The following CSMD3 variants were observed in gnomAD, a reference collection of about 807,000 sequenced individuals.
CSMD3 encodes CUB and sushi domain-containing protein 3.
A neutral mutation model predicts 435.2 loss-of-function variants in CSMD3; 177 were observed. The observed-to-expected ratio is 0.41, with a 90% CI of 0.36 to 0.46. CSMD3 has a LOEUF of 0.46. CSMD3 is among the 20% of genes least tolerant of loss of function. The probability of loss-of-function intolerance (pLI) is 0.34; values close to 1 mark genes in which losing one functional copy is unlikely to be tolerated. For missense variants in CSMD3, 4,265 were observed against 4,504.6 expected (o/e 0.95, Z 1.52); for synonymous variants, 1,656 against 1,520.5 (o/e 1.09, Z -2.07).
intron 4 of CSMD3, among the ~76,000 whole-genome samples, chr8:113,141,461 T>C (rs1787383010): frequency 6.6e-6 from 1 of 150,992 alleles, no homozygotes; most frequent in African/African-American, 2.4e-5. Flanking sequence ...ATAAACTCAG[T>C]AACATATTTT....
chr8:113,166,366 G>A (rs1266606070), intron 4 of CSMD3, among the ~76,000 whole-genome samples: 1 of 152,040 alleles, frequency 6.6e-6, no homozygotes, highest in Non-Finnish European at 1.5e-5. Flanking sequence ...TTAGCTTGAT[G>A]TGGTGGTGCA....
intron 5 of CSMD3, among the ~76,000 whole-genome samples, chr8:113,055,352 T>A (rs2088278029): frequency 6.6e-6 from 1 of 152,222 alleles, no homozygotes; most frequent in Non-Finnish European, 1.5e-5. Context: ...CATTCTGCAC[T>A]GTTTGGATTT....
At position 112,841,390 on chromosome 8, in the gene CSMD3, T is replaced by G. The variant is rs185890625; in HGVS notation, c.1756-11601A>C. 1.5e-3 allele frequency among the ~76,000 whole-genome samples: 232 copies of G among 151,926 alleles called. 2 individuals are homozygous for G. The highest frequency in any genetic ancestry group is 5.3e-3 in the African/African-American group (222 of 41,514). On this transcript the variant is annotated intron_variant, in intron 11 of 70. Transcript: ENST00000297405. ...TCTTCTCTCTGCATTTCCAGTTCCTTGTCATTCCATAATATTGGCTGAAAA... is the reference window on the plus strand; with the variant it reads ...TCTTCTCTCTGCATTTCCAGTTCCTGGTCATTCCATAATATTGGCTGAAAA...
intron 1 of CSMD3, among the ~76,000 whole-genome samples, chr8:113,341,355 T>C (rs1019229775): frequency 5.3e-5 from 8 of 152,122 alleles, no homozygotes; most frequent in African/African-American, 1.9e-4. Flanking sequence ...AAGTTTTTAA[T>C]TCTGAAAACC....
chr8:112,930,688 T>C (rs1169125805), intron 9 of CSMD3, among the ~76,000 whole-genome samples: 1 of 152,114 alleles, frequency 6.6e-6, no homozygotes, highest in Non-Finnish European at 1.5e-5. Flanking sequence ...GATCTACTCT[T>C]GACGTTTTTA....
intron 6 of CSMD3, among the ~76,000 whole-genome samples, chr8:112,988,604 C>G (rs936734437): frequency 6.6e-6 from 1 of 152,020 alleles, no homozygotes; most frequent in African/African-American, 2.4e-5. Context: ...TTTTTGCCAC[C>G]TTTGGGCATG....
At chr8:112,492,757 T>A in intron 30 of CSMD3, 74 bp from the exon 31 acceptor site, 1 of 1,191,122 alleles carries the variant, frequency 8.4e-7, no homozygotes, top group South Asian at 1.2e-5. Flanking sequence ...GGGTTCTGCA[T>A]CTGTGGATTC....
chr8:112,918,640 T>C (rs2130601155), intron 10 of CSMD3, among the ~76,000 whole-genome samples: 1 of 152,056 alleles, frequency 6.6e-6, no homozygotes, highest in East Asian at 1.9e-4. Context: ...AAGGGAATAA[T>C]TGTTTTCACC....
intron 1 of CSMD3, among the ~76,000 whole-genome samples, chr8:113,376,420 T>G (rs1290051410): frequency 6.6e-6 from 1 of 152,078 alleles, no homozygotes; most frequent in Non-Finnish European, 1.5e-5. Flanking sequence ...CAAATAATAA[T>G]AACAAAAAAT....
At chr8:112,626,651 T>C (rs7822475) in intron 22 of CSMD3, among the ~76,000 whole-genome samples, 74,514 of 151,878 alleles carry the variant, frequency 0.49, 18,905 homozygotes, top group African/African-American at 0.59. Flanking sequence ...TCTATTCCAA[T>C]TTCAATTAAA....
chr8:113,014,705 G>A (rs924342803), intron 6 of CSMD3, among the ~76,000 whole-genome samples: 3 of 152,092 alleles, frequency 2.0e-5, no homozygotes, highest in East Asian at 3.9e-4. Flanking sequence ...GTCAGGGAAT[G>A]TTTCAGAGAC....
intron 4 of CSMD3, among the ~76,000 whole-genome samples, chr8:113,133,925 G>A (rs547228642): frequency 2.0e-5 from 3 of 152,098 alleles, no homozygotes; most frequent in South Asian, 4.1e-4. Context: ...TGTTTAACAG[G>A]TATAGAGTTT....
chr8:112,952,510 T>C (rs1414278160), intron 8 of CSMD3, among the ~76,000 whole-genome samples: 2 of 151,656 alleles, frequency 1.3e-5, no homozygotes, highest in East Asian at 1.9e-4. Flanking sequence ...TTGAAATAGA[T>C]ATATAATAAT....
intron 1 of CSMD3, among the ~76,000 whole-genome samples, chr8:113,363,010 T>A (rs182197402): frequency 6.6e-6 from 1 of 152,302 alleles, no homozygotes; most frequent in African/African-American, 2.4e-5. Context: ...AATACTGACC[T>A]TCTGCTACCA....
At chr8:113,371,482 T>A (rs1015692755) in intron 1 of CSMD3, among the ~76,000 whole-genome samples, 2 of 152,146 alleles carry the variant, frequency 1.3e-5, no homozygotes, top group Non-Finnish European at 2.9e-5. Context: ...TTATTATACA[T>A]TTTTGCTTGT....
At chr8:112,318,221 C>A (rs1822657502) in intron 47 of CSMD3, among the ~76,000 whole-genome samples, 1 of 151,888 alleles carries the variant, frequency 6.6e-6, no homozygotes, top group Non-Finnish European at 1.5e-5. Context: ...AATTGTGTTT[C>A]ATGACTCAGG....
intron 1 of CSMD3, among the ~76,000 whole-genome samples, chr8:113,403,615 G>C (rs976335271): frequency 6.6e-6 from 1 of 151,218 alleles, no homozygotes; most frequent in Admixed American, 6.6e-5. Context: ...AATTCTAAAG[G>C]GAAAGCAATT....
At chr8:113,100,674 A>C (rs2131554912) in intron 4 of CSMD3, among the ~76,000 whole-genome samples, 1 of 152,276 alleles carries the variant, frequency 6.6e-6, no homozygotes, top group South Asian at 2.1e-4. Context: ...TATATGAAGT[A>C]AGGCATACGT....
intron 12 of CSMD3, among the ~76,000 whole-genome samples, chr8:112,826,847 G>A (rs2079695953): frequency 6.6e-6 from 1 of 152,046 alleles, no homozygotes; most frequent in Non-Finnish European, 1.5e-5. Flanking sequence ...TGATGGTGTA[G>A]GAACAACCAT....
Sources: gnomAD v4.1 joint callset for allele counts (sites outside exome capture counted in the v4.1 genomes callset) on GRCh38, gnomAD v4.1.1 for gene constraint, MANE v1.5 for transcripts, NCBI Gene and HGNC (gene_info 2026-07-23, HGNC 2026-07-21) for gene names.